KCNMA1: variants seen among roughly 807,000 people sequenced by gnomAD.
KCNMA1 encodes the protein potassium calcium-activated channel subfamily M alpha 1.
KCNMA1 carries 29 observed loss-of-function variants against 140.0 expected under a neutral mutation model. The ratio of observed to expected loss-of-function variants is 0.21; its 90% CI spans 0.15 to 0.28. The LOEUF (loss-of-function observed/expected upper bound fraction) is 0.28. Ranked by LOEUF, KCNMA1 falls within the 10% of genes least tolerant of loss-of-function variation. KCNMA1 has a pLI of 1.00. For missense variants in KCNMA1, 880 were observed against 1,602.2 expected, an observed-to-expected ratio of 0.55 and a Z score of 7.70; for synonymous variants, 612 against 611.9, an observed-to-expected ratio of 1.00 and a Z score of 0.00.
chr10:77,039,834 A>C (rs963390292), intron 14 of KCNMA1, among the ~76,000 whole-genome samples, 197 bp from the exon 15 acceptor site: 1 of 151,248 alleles, frequency 6.6e-6, no homozygotes, highest in African/African-American at 2.4e-5. Context: ...TGCCCTCTAA[A>C]ACACTTTTTT....
At chr10:77,474,332 G>A (rs1379199461) in intron 1 of KCNMA1, among the ~76,000 whole-genome samples, 1 of 152,180 alleles carries the variant, frequency 6.6e-6, no homozygotes, top group Non-Finnish European at 1.5e-5. Context: ...GTTAAATGAG[G>A]TCATTAGGGT....
Position 76,885,926 on chromosome 10 carries a change from T to C in KCNMA1, c.*1340A>G, listed in dbSNP as rs1326198735. On this transcript the variant is annotated 3_prime_UTR_variant, in exon 28 of 28. Transcript: ENST00000286628. ...ACTCTTCTTATCCCACGTCTCATAA[T>C]GACAAGGAGCAGCTCTCTATTGCCG... The C allele has an allele frequency of 2.0e-6, 2 of 985,458 alleles. No individual in the cohort carries two copies. The highest frequency in any genetic ancestry group is 4.7e-5 in the South Asian group (1 of 21,288). The allele number at this position is 985,458 out of a possible 1,614,324, so 61.0% of individuals were successfully genotyped here.
chr10:77,079,110 A>G (rs992807801), intron 13 of KCNMA1, among the ~76,000 whole-genome samples: 3 of 152,066 alleles, frequency 2.0e-5, no homozygotes, highest in African/African-American at 7.2e-5. Context: ...ATCTCTACTA[A>G]AAGTACAAAA....
At position 76,941,051 on chromosome 10, in the gene KCNMA1, A is replaced by AAGAAAGAAAGAAAGAAAG. The variant is rs1227472631; in HGVS notation, c.2902+3721_2902+3722insCTTTCTTTCTTTCTTTCT. 9.5e-5 allele frequency among the ~76,000 whole-genome samples: 6 copies of AAGAAAGAAAGAAAGAAAG among 62,946 alleles called. No individual in the cohort carries two copies. In the East Asian group the frequency reaches 2.5e-3, roughly 26 times the overall value. 41.3% of individuals were successfully genotyped at this position (62,946 alleles called of 152,430 possible). A position where few individuals can be genotyped will look rare whatever the true frequency, so the allele number is the denominator to read the frequency against. ...AAAGAAAGAAAGAAAGAAAGAAAGA[A>AAGAAAGAAAGAAAGAAAG]AGAGAAAGAAAGAAAGAAAAAGAAA... On this transcript the variant is annotated intron_variant, in intron 23 of 27. Coordinates refer to ENST00000286628, the MANE Select transcript of KCNMA1 (RefSeq NM_001161352.2).
intron 5 of KCNMA1, among the ~76,000 whole-genome samples, chr10:77,127,600 T>A (rs752156701): frequency 2.6e-5 from 4 of 151,558 alleles, no homozygotes; most frequent in African/African-American, 9.7e-5. Context: ...AAAGAAGGCA[T>A]GAAGGCAAGA....
At chr10:77,053,681 A>G (rs911975577) in intron 14 of KCNMA1, among the ~76,000 whole-genome samples, 16 of 152,184 alleles carry the variant, frequency 1.1e-4, no homozygotes, top group Non-Finnish European at 2.1e-4. Flanking sequence ...GTGGTTTTAT[A>G]TCAGGATTAT....
At position 76,905,715 on chromosome 10, in the gene KCNMA1, T is replaced by C. The variant is rs143633168; in HGVS notation, c.3147+4251A>G. Reference sequence around the variant, plus strand: ...AGGGTAAAACAGGTCTCCACACCCATTCAAGCTATTTCATGTTCTTCAAAT... The same window carrying C: ...AGGGTAAAACAGGTCTCCACACCCACTCAAGCTATTTCATGTTCTTCAAAT... On this transcript the variant is annotated intron_variant, in intron 25 of 27. Transcript: ENST00000286628. Among the ~76,000 whole-genome samples, 680 of 152,338 alleles carry C rather than the reference T, an allele frequency of 4.5e-3. 5 individuals are homozygous for C. Among genetic ancestry groups the C allele is most frequent in the African/African-American group, 0.015 (641 of 41,576 alleles).
At chr10:76,895,030 C>G (rs978620806) in intron 25 of KCNMA1, among the ~76,000 whole-genome samples, 1 of 152,228 alleles carries the variant, frequency 6.6e-6, no homozygotes, top group Non-Finnish European at 1.5e-5. Context: ...TAGTTAAAGA[C>G]TGACCCGCAC....
At chr10:77,137,462 A>G (rs970540507) in intron 5 of KCNMA1, among the ~76,000 whole-genome samples, 2 of 152,160 alleles carry the variant, frequency 1.3e-5, no homozygotes, top group African/African-American at 4.8e-5. Flanking sequence ...GAGGGCAGGC[A>G]TATCAGGGTA....
intron 1 of KCNMA1, among the ~76,000 whole-genome samples, chr10:77,563,861 C>T (rs2067228077): frequency 6.6e-6 from 1 of 152,246 alleles, no homozygotes; most frequent in South Asian, 2.1e-4. Context: ...CTGGTCCCGG[C>T]TCTGCCACTT....
intron 1 of KCNMA1, among the ~76,000 whole-genome samples, chr10:77,462,976 C>A (rs2097907207): frequency 6.6e-6 from 1 of 152,174 alleles, no homozygotes; most frequent in Non-Finnish European, 1.5e-5. Context: ...GAAACTCAAA[C>A]CAAGTCTTGA....
chr10:77,051,182 G>A (rs931823658), intron 14 of KCNMA1, among the ~76,000 whole-genome samples: 12 of 152,102 alleles, frequency 7.9e-5, no homozygotes, highest in South Asian at 6.2e-4. Flanking sequence ...GAAAACGCTC[G>A]CCAACCCAGT....
Position 77,508,001 on chromosome 10 carries a change from T to A in KCNMA1, c.379-103978A>T, listed in dbSNP as rs75945355. On this transcript the variant is annotated intron_variant, in intron 1 of 27. Coordinates refer to ENST00000286628, the MANE Select transcript of KCNMA1 (RefSeq NM_001161352.2). ...ACAATAGGGAGATGGTTAAGTAAAC[T>A]GCAGTGTATCTACTTGGGAAACTAA... Among the ~76,000 whole-genome samples the A allele has an allele frequency of 3.2e-3, 483 of 152,328 alleles. 7 individuals are homozygous for A. Among genetic ancestry groups the A allele is most frequent in the East Asian group, 0.024 (123 of 5,180 alleles).
intron 2 of KCNMA1, among the ~76,000 whole-genome samples, chr10:77,289,024 C>T (rs191617952): frequency 1.2e-4 from 18 of 152,288 alleles, no homozygotes; most frequent in Non-Finnish European, 1.9e-4. Context: ...AATCTGCTCA[C>T]TCTCATTTTG....
chr10:76,986,198 T>C (rs997038614), intron 19 of KCNMA1, among the ~76,000 whole-genome samples: 15 of 152,332 alleles, frequency 9.8e-5, no homozygotes, highest in African/African-American at 2.9e-4. Flanking sequence ...CAAAAAGTTA[T>C]TGAGATTTAA....
chr10:77,323,095 C>G (rs1359645853), intron 2 of KCNMA1, among the ~76,000 whole-genome samples: 1 of 152,140 alleles, frequency 6.6e-6, no homozygotes, highest in Non-Finnish European at 1.5e-5. Context: ...CACTGCCATC[C>G]TCATTTTAAA....
At chr10:77,113,441 G>A (rs1472549242) in intron 6 of KCNMA1, among the ~76,000 whole-genome samples, 1 of 151,942 alleles carries the variant, frequency 6.6e-6, no homozygotes, top group African/African-American at 2.4e-5. Context: ...TCTGGATCCT[G>A]TTTATTTACT....
intron 23 of KCNMA1, among the ~76,000 whole-genome samples, chr10:76,941,476 T>C (rs1328511513): frequency 1.3e-5 from 2 of 152,140 alleles, no homozygotes; most frequent in African/African-American, 4.8e-5. Flanking sequence ...AAGGAGCGAT[T>C]TCTCTGTGTT....
chr10:77,567,712 T>C (rs1245250359), intron 1 of KCNMA1, among the ~76,000 whole-genome samples: 3 of 152,144 alleles, frequency 2.0e-5, no homozygotes, highest in Non-Finnish European at 2.9e-5. Flanking sequence ...AGCCATTAAG[T>C]GAAACACTCA....
Sources: gnomAD v4.1 joint callset for allele counts (sites outside exome capture counted in the v4.1 genomes callset) on GRCh38, gnomAD v4.1.1 for gene constraint, MANE v1.5 for transcripts, NCBI Gene and HGNC (gene_info 2026-07-23, HGNC 2026-07-21) for gene names.